FER1L6: variants seen among roughly 807,000 people sequenced by gnomAD.
The protein encoded by FER1L6 is fer-1-like protein 6.
A neutral mutation model predicts 219.2 loss-of-function variants in FER1L6; 177 were observed. The observed-to-expected ratio is 0.81, with a 90% CI of 0.71 to 0.91. The LOEUF is 0.91. FER1L6 is among the 40% of genes least tolerant of loss of function. The pLI, the probability that FER1L6 is intolerant of heterozygous loss-of-function variation, is 0.00. For missense variants in FER1L6, 2,153 were observed against 2,259.9 expected, an observed-to-expected ratio of 0.95 and a Z score of 0.96; for synonymous variants, 768 against 824.3, an observed-to-expected ratio of 0.93 and a Z score of 1.17.
intron 1 of FER1L6, among the ~76,000 whole-genome samples, chr8:123,895,275 C>A (rs181948453): frequency 1.3e-5 from 2 of 152,340 alleles, no homozygotes; most frequent in Admixed American, 1.3e-4. Flanking sequence ...CCATTGCTAA[C>A]TGAAGGAGAC....
At chr8:124,017,341 G>A (rs1818245517) in intron 15 of FER1L6, among the ~76,000 whole-genome samples, 1 of 152,026 alleles carries the variant, frequency 6.6e-6, no homozygotes, top group South Asian at 2.1e-4. Flanking sequence ...AGTATTTTGT[G>A]GGTTTTGTTA....
intron 1 of FER1L6, among the ~76,000 whole-genome samples, chr8:123,876,652 C>A (rs1432881563): frequency 6.6e-6 from 1 of 152,144 alleles, no homozygotes; most frequent in African/African-American, 2.4e-5. Flanking sequence ...TCTTCCTTAA[C>A]CACCTTACAG....
At position 124,076,393 on chromosome 8, in the gene FER1L6, A is replaced by T; in HGVS notation, c.4220+68A>T. 2.7e-6 allele frequency: 4 copies of T among 1,485,256 alleles called. No individual in the cohort carries two copies. The South Asian group carries it at 4.6e-5, about 17-fold the overall frequency. The allele number at this position is 1,485,256 out of a possible 1,614,324, so 92.0% of individuals were successfully genotyped here. A position where few individuals can be genotyped will look rare whatever the true frequency, so the allele number is the denominator to read the frequency against. ...TTGCTCCTGCTGTGTTTCTGTGGGG[A>T]TAGTGCGTGTATGTTTGTGTTCCTG... On this transcript the variant is annotated intron_variant, in intron 32 of 40. Coordinates refer to ENST00000522917, the MANE Select transcript of FER1L6 (RefSeq NM_001039112.2).
intron 37 of FER1L6, among the ~76,000 whole-genome samples, chr8:124,098,704 T>C (rs1822414997): frequency 6.6e-6 from 1 of 152,226 alleles, no homozygotes; most frequent in South Asian, 2.1e-4. Flanking sequence ...AAGATTAATG[T>C]ATCCTGTAAA....
rs184621647 is a variant in FER1L6, at chr8:124,049,845, G to A, written c.2874+89G>A. 154 of 1,346,720 alleles carry A rather than the reference G, an allele frequency of 1.1e-4. No individual in the cohort carries two copies. In the African/African-American group the frequency reaches 2.0e-3, roughly 18 times the overall value. 83.4% of individuals were successfully genotyped at this position (1,346,720 alleles called of 1,614,324 possible). A position where few individuals can be genotyped will look rare whatever the true frequency, so the allele number is the denominator to read the frequency against. On this transcript the variant is annotated intron_variant, in intron 22 of 40. Coordinates refer to ENST00000522917, the MANE Select transcript of FER1L6 (RefSeq NM_001039112.2). ...ACAAATGCCACTTCAATGAAGCTGT[G>A]CCTGATCCCTCGCTGCAATCCCACA...
chr8:123,969,411 C>T (rs1159300066), intron 5 of FER1L6, among the ~76,000 whole-genome samples: 2 of 151,888 alleles, frequency 1.3e-5, no homozygotes, highest in African/African-American at 4.8e-5. Flanking sequence ...ACTGAAGTAC[C>T]ATTTTCACTC....
intron 20 of FER1L6, chr8:124,040,450 G>C (rs1218353972): frequency 4.9e-6 from 1 of 203,264 alleles, no homozygotes; most frequent in Non-Finnish European, 1.0e-5. Context: ...CAGCTGGGGA[G>C]CTTCGCATGC....
chr8:123,901,465 T>C (rs1812854283), intron 1 of FER1L6, among the ~76,000 whole-genome samples: 2 of 152,172 alleles, frequency 1.3e-5, no homozygotes, highest in Non-Finnish European at 1.5e-5. Context: ...TTGTTTCATT[T>C]ATCTTTTTTT....
intron 22 of FER1L6, among the ~76,000 whole-genome samples, chr8:124,057,390 G>A (rs1820349715): frequency 6.6e-6 from 1 of 152,038 alleles, no homozygotes; most frequent in Non-Finnish European, 1.5e-5. Flanking sequence ...TTGTTTTTAA[G>A]GTATTTTTCT....
At chr8:123,860,141 C>G (rs1410683702) in intron 1 of FER1L6, among the ~76,000 whole-genome samples, 1 of 82,460 alleles carries the variant, frequency 1.2e-5, no homozygotes, top group Non-Finnish European at 2.2e-5. Flanking sequence ...TCCCCCCTCC[C>G]CACCACAGTC....
chr8:123,872,708 T>C (rs573432234), intron 1 of FER1L6, among the ~76,000 whole-genome samples: 6 of 152,332 alleles, frequency 3.9e-5, no homozygotes, highest in African/African-American at 9.6e-5. Context: ...AAAAAACTTA[T>C]ATTTAAAAAA....
At chr8:124,087,033 G>A (rs1398208001) in intron 33 of FER1L6, among the ~76,000 whole-genome samples, 1 of 151,950 alleles carries the variant, frequency 6.6e-6, no homozygotes, top group East Asian at 1.9e-4. Flanking sequence ...TTGACCTTTG[G>A]GAGTTTGATT....
chr8:124,090,845 G>A (rs1204135401), intron 33 of FER1L6, among the ~76,000 whole-genome samples: 2 of 152,162 alleles, frequency 1.3e-5, no homozygotes, highest in African/African-American at 2.4e-5. Flanking sequence ...TTGGTGGGGT[G>A]GTGGGGTAGG....
chr8:124,027,465 G>T (rs990773772), intron 18 of FER1L6, among the ~76,000 whole-genome samples: 1 of 152,202 alleles, frequency 6.6e-6, no homozygotes, highest in Admixed American at 6.5e-5. Context: ...TGAACAACTA[G>T]ACATCCACAT....
chr8:124,029,057 G>T (rs1294310751), intron 18 of FER1L6, among the ~76,000 whole-genome samples: 2 of 152,142 alleles, frequency 1.3e-5, no homozygotes, highest in Admixed American at 6.5e-5. Flanking sequence ...GTGTTAGTTT[G>T]CTGAGAATGG....
Position 123,884,311 on chromosome 8 carries a change from AT to A in FER1L6, c.-8+32128del, listed in dbSNP as rs1817161371. Reference sequence around the variant, plus strand: ...AGTTACAATTATCCCCATGGGGCAGATTAGGAAAGTGAGGCAGTAAGTGGCT... The same window carrying A: ...AGTTACAATTATCCCCATGGGGCAGATAGGAAAGTGAGGCAGTAAGTGGCT... On this transcript the variant is annotated intron_variant, in intron 1 of 40. Transcript: ENST00000522917. Among the ~76,000 whole-genome samples, 4 of 152,230 alleles carry A rather than the reference AT, an allele frequency of 2.6e-5. No individual in the cohort carries two copies. The South Asian group carries it at 8.3e-4, about 32-fold the overall frequency.
chr8:123,862,600 A>C (rs1816765694), intron 1 of FER1L6, among the ~76,000 whole-genome samples: 1 of 144,804 alleles, frequency 6.9e-6, no homozygotes, highest in Admixed American at 6.8e-5. Flanking sequence ...CTGTGAATCC[A>C]TCTGGTCCTG....
chr8:124,008,372 C>T (rs1817763868), intron 13 of FER1L6, among the ~76,000 whole-genome samples: 1 of 152,206 alleles, frequency 6.6e-6, no homozygotes, highest in South Asian at 2.1e-4. Context: ...GGGCTAGTTC[C>T]ACATTTTTCC....
At chr8:123,993,526 G>T (rs1457567441) in intron 12 of FER1L6, among the ~76,000 whole-genome samples, 3 of 152,140 alleles carry the variant, frequency 2.0e-5, no homozygotes, top group Non-Finnish European at 4.4e-5. Flanking sequence ...ACTGTTTTGG[G>T]GTAGAGTTAC....
Sources: allele counts gnomAD v4.1 joint callset (sites outside exome capture counted in the v4.1 genomes callset), GRCh38; gene constraint gnomAD v4.1.1; transcripts MANE v1.5; gene names NCBI Gene and HGNC (gene_info 2026-07-23, HGNC 2026-07-21).